CTNND2: variants seen among roughly 807,000 people sequenced by gnomAD.
The protein encoded by CTNND2 is catenin delta 2, also known as catenin delta-2.
Under a neutral mutation model 144.4 loss-of-function variants are expected in CTNND2, and 22 were observed. The observed-to-expected ratio is 0.15, with a 90% CI of 0.11 to 0.22. The LOEUF (loss-of-function observed/expected upper bound fraction) is 0.22. Ranked by LOEUF, CTNND2 falls within the 10% of genes least tolerant of loss-of-function variation. CTNND2 has a pLI of 1.00. For synonymous variants in CTNND2, 751 were observed against 695.6 expected, an observed-to-expected ratio of 1.08 and a Z score of -1.25; for missense variants, 1,353 against 1,618.8, an observed-to-expected ratio of 0.84 and a Z score of 2.82.
In CTNND2 at chr5:11,244,678, C is replaced by T. The variant is rs555124897; in HGVS notation, c.1629-7855G>A. The stretch of plus-strand genomic sequence containing the variant: ...ATTATGACTATCTGGAAAGTAAGCT[C>T]AACGGTTATACCATTTTTAAGGAAG... On this transcript the variant is annotated intron_variant, in intron 9 of 21. Transcript: ENST00000304623. Among the ~76,000 whole-genome samples the T allele has an allele frequency of 1.1e-3, 172 of 152,272 alleles. 1 individual carries two copies. Among genetic ancestry groups the T allele is most frequent in the African/African-American group, 4.0e-3 (165 of 41,550 alleles).
intron 10 of CTNND2, among the ~76,000 whole-genome samples, chr5:11,236,330 T>G (rs989165495): frequency 5.9e-5 from 9 of 152,198 alleles, no homozygotes; most frequent in Admixed American, 5.9e-4. Context: ...AATTTGGAGA[T>G]AACAATTGAT....
At chr5:11,756,014 C>G (rs1162469681) in intron 1 of CTNND2, among the ~76,000 whole-genome samples, 4 of 151,622 alleles carry the variant, frequency 2.6e-5, no homozygotes, top group African/African-American at 9.7e-5. Flanking sequence ...AGAAGCCACT[C>G]TGGCTTTCTG....
At chr5:11,382,595 C>CTGTGTATATGTGTGTGTGTGTG (rs755324887) in intron 7 of CTNND2, among the ~76,000 whole-genome samples, 1 of 130,148 alleles carries the variant, frequency 7.7e-6, no homozygotes, top group African/African-American at 3.0e-5. Flanking sequence ...GAGTGAGACT[C>CTGTGTATATGTGTGTGTGTGTG]TGTGTGTGTG....
intron 2 of CTNND2, among the ~76,000 whole-genome samples, chr5:11,657,085 C>T (rs1175632311): frequency 1.3e-5 from 2 of 152,030 alleles, no homozygotes; most frequent in East Asian, 1.9e-4. Flanking sequence ...AGAAGGCAAT[C>T]GTGAAACACT....
chr5:10,985,024 A>T (rs980752082), intron 20 of CTNND2, among the ~76,000 whole-genome samples: 14 of 152,138 alleles, frequency 9.2e-5, no homozygotes, highest in Admixed American at 7.2e-4. Flanking sequence ...CAGTGAGCTG[A>T]GATTGCGCCA....
chr5:11,842,758 T>G (rs1794538498), intron 1 of CTNND2, among the ~76,000 whole-genome samples: 1 of 152,078 alleles, frequency 6.6e-6, no homozygotes, highest in Non-Finnish European at 1.5e-5. Context: ...TTTATAATTT[T>G]TATACTGAAA....
intron 3 of CTNND2, among the ~76,000 whole-genome samples, chr5:11,560,290 T>C (rs1776583928): frequency 6.6e-6 from 1 of 152,190 alleles, no homozygotes; most frequent in Non-Finnish European, 1.5e-5. Context: ...AGTCCATAGA[T>C]AGATCTAACT....
intron 9 of CTNND2, among the ~76,000 whole-genome samples, chr5:11,274,447 G>A (rs1386315733): frequency 6.6e-6 from 1 of 151,956 alleles, no homozygotes; most frequent in Non-Finnish European, 1.5e-5. Context: ...TAAACAACCT[G>A]TCTCAGCAAA....
chr5:11,196,755 T>C (rs1736895685), intron 11 of CTNND2, among the ~76,000 whole-genome samples: 1 of 152,214 alleles, frequency 6.6e-6, no homozygotes, highest in Admixed American at 6.5e-5. Flanking sequence ...CAGCCAGTGC[T>C]GCACACTCCT....
intron 10 of CTNND2, among the ~76,000 whole-genome samples, chr5:11,220,747 T>G (rs1043287410): frequency 2.6e-5 from 4 of 152,196 alleles, no homozygotes; most frequent in African/African-American, 9.7e-5. Context: ...CCAGTATTAT[T>G]CACCCACTGC....
intron 2 of CTNND2, among the ~76,000 whole-genome samples, chr5:11,574,515 A>T (rs1347771648): frequency 6.6e-6 from 1 of 152,162 alleles, no homozygotes; most frequent in African/African-American, 2.4e-5. Context: ...TAATAGCACA[A>T]ATTTCTTTAA....
rs1250328456 is a variant in CTNND2 at position 11,340,054 on chromosome 5, C to G, written c.1628+6318G>C. 2.0e-5 allele frequency among the ~76,000 whole-genome samples: 3 copies of G among 152,124 alleles called. No individual in the cohort carries two copies. The East Asian group carries it at 5.8e-4, about 29-fold the overall frequency. Reference sequence around the variant, plus strand: ...TTCAGAGACAGCTGCCCTCTGTAGCCCAATATCCCAACTGAGCCAGGCCTG... The same window carrying G: ...TTCAGAGACAGCTGCCCTCTGTAGCGCAATATCCCAACTGAGCCAGGCCTG... On this transcript the variant is annotated intron_variant, in intron 9 of 21. Transcript: ENST00000304623.
In CTNND2 at chr5:11,232,115, C is replaced by T. The variant is rs190799231; in HGVS notation, c.1761+4576G>A. Reference sequence around the variant, plus strand: ...CTAGATTTCACAGGATGTGTGGAAACACCCTGAATGTCCAGGCAGAGGTTT... The same window carrying T: ...CTAGATTTCACAGGATGTGTGGAAATACCCTGAATGTCCAGGCAGAGGTTT... On this transcript the variant is annotated intron_variant, in intron 10 of 21. Transcript: ENST00000304623. 2.8e-4 allele frequency among the ~76,000 whole-genome samples: 43 copies of T among 152,326 alleles called. 1 individual carries two copies. Among genetic ancestry groups the T allele is most frequent in the African/African-American group, 8.7e-4 (36 of 41,582 alleles).
At chr5:10,978,347 G>GGTTGCACTTTATT (rs1404822111) in intron 21 of CTNND2, among the ~76,000 whole-genome samples, 1 of 152,178 alleles carries the variant, frequency 6.6e-6, no homozygotes, top group African/African-American at 2.4e-5. Context: ...GGGTTAGGAT[G>GGTTGCACTTTATT]GTTGCACTTT....
intron 3 of CTNND2, among the ~76,000 whole-genome samples, chr5:11,474,071 C>T (rs1367989319): frequency 6.6e-6 from 1 of 152,192 alleles, no homozygotes; most frequent in East Asian, 1.9e-4. Context: ...AAAGGAGCAC[C>T]TGTATATGAT....
chr5:11,012,579 C>G (rs2088841874), intron 18 of CTNND2, among the ~76,000 whole-genome samples: 1 of 152,164 alleles, frequency 6.6e-6, no homozygotes, highest in Admixed American at 6.5e-5. Flanking sequence ...TCATGGTGTT[C>G]CGCCCCTCAG....
intron 8 of CTNND2, among the ~76,000 whole-genome samples, chr5:11,351,262 G>A (rs1335043832): frequency 6.6e-6 from 1 of 152,120 alleles, no homozygotes; most frequent in Non-Finnish European, 1.5e-5. Flanking sequence ...GGCAAACACT[G>A]GAGAGGGAAG....
intron 11 of CTNND2, among the ~76,000 whole-genome samples, chr5:11,174,708 G>A (rs901460325): frequency 1.3e-5 from 2 of 152,186 alleles, no homozygotes; most frequent in Non-Finnish European, 2.9e-5. Flanking sequence ...CGCAGAGCAC[G>A]TCACAAGAGG....
intron 1 of CTNND2, among the ~76,000 whole-genome samples, chr5:11,753,361 T>G (rs1010632485): frequency 6.6e-6 from 1 of 151,916 alleles, no homozygotes; most frequent in Non-Finnish European, 1.5e-5. Context: ...AGTGCTTAGT[T>G]TGCTGAAGGT....
Sources: allele counts gnomAD v4.1 joint callset (sites outside exome capture counted in the v4.1 genomes callset), GRCh38; gene constraint gnomAD v4.1.1; transcripts MANE v1.5; gene names NCBI Gene and HGNC (gene_info 2026-07-23, HGNC 2026-07-21).